PHEX: variants seen among roughly 807,000 people sequenced by gnomAD.
PHEX encodes the protein phosphate-regulating neutral endopeptidase PHEX.
A neutral mutation model predicts 68.0 loss-of-function variants in PHEX; 16 were observed. The observed-to-expected ratio is 0.24, with a 90% CI of 0.16 to 0.36. The LOEUF (loss-of-function observed/expected upper bound fraction) is 0.36, where lower values mean the gene tolerates loss of function less well. PHEX is among the 10% of genes least tolerant of loss of function. The pLI, the probability that PHEX is intolerant of heterozygous loss-of-function variation, is 1.00. For synonymous variants in PHEX, 208 were observed against 205.1 expected (o/e 1.01, Z -0.12); for missense variants, 480 against 575.5 (o/e 0.83, Z 1.70).
At chrX:22,066,678 C>T (rs1357016309) in intron 3 of PHEX, among the ~76,000 whole-genome samples, 2 of 111,918 alleles carry the variant, frequency 1.8e-5, no homozygotes, top group African/African-American at 6.5e-5. Context: ...CTGTCGGAAA[C>T]CCAGTTCTGG....
chrX:22,236,334 A>T (rs1178312048), intron 20 of PHEX, among the ~76,000 whole-genome samples: 2 of 112,256 alleles, frequency 1.8e-5, no homozygotes. Flanking sequence ...ACTGCTCTCC[A>T]AATGTTCAAG....
chrX:22,099,192 T>A (rs1296984762), intron 9 of PHEX, 41 bp downstream of exon 9: 1 of 1,118,887 alleles, frequency 8.9e-7, no homozygotes, highest in Non-Finnish European at 1.2e-6. Flanking sequence ...CTTTTGTGTT[T>A]TCTTTAAATT....
chrX:22,232,383 C>T (rs983369446), intron 20 of PHEX, among the ~76,000 whole-genome samples: 33 of 109,785 alleles, frequency 3.0e-4, no homozygotes, highest in Non-Finnish European at 3.6e-4. Context: ...AAGTCTCCCA[C>T]GATTATTGTG....
intron 20 of PHEX, among the ~76,000 whole-genome samples, chrX:22,244,475 A>G (rs760686586): frequency 2.7e-5 from 3 of 110,589 alleles, no homozygotes; most frequent in Non-Finnish European, 5.7e-5. Context: ...GGCGGTGTGC[A>G]CCTGTAATCC....
chrX:22,201,534 TG>T (rs1934556787), intron 15 of PHEX, among the ~76,000 whole-genome samples: 1 of 110,314 alleles, frequency 9.1e-6, no homozygotes, highest in African/African-American at 3.3e-5. Flanking sequence ...TTGAGGAATT[TG>T]GAGGTCCTGA....
chrX:22,075,512 C>T (rs951142263), intron 3 of PHEX, among the ~76,000 whole-genome samples: 3 of 110,782 alleles, frequency 2.7e-5, no homozygotes, highest in African/African-American at 9.8e-5. Flanking sequence ...GAAGGCAGTG[C>T]CCTGGTGCTG....
In PHEX at chrX:22,176,247, C is replaced by T. The variant is rs193286436; in HGVS notation, c.1483-2026C>T. Among the ~76,000 whole-genome samples, 380 of 108,521 alleles carry T rather than the reference C, an allele frequency of 3.5e-3. 1 individual carries two copies. The highest frequency in any genetic ancestry group is 0.013 in the African/African-American group (376 of 30,066). 94.2% of individuals were successfully genotyped at this position (108,521 alleles called of 115,157 possible). On this transcript the variant is annotated intron_variant, in intron 13 of 21. Transcript: ENST00000379374. ...ACTAAAAATATAAAAATTAGCTGGG[C>T]ATGGTGGTGCATGTCTGTAATCCCA...
chrX:22,190,567 A>G (rs1303634600), intron 15 of PHEX, 65 bp downstream of exon 15: 1 of 712,653 alleles, frequency 1.4e-6, no homozygotes, highest in East Asian at 3.2e-5. Flanking sequence ...TTCCATGACT[A>G]TGATGGAGGG....
At chrX:22,185,719 G>A (rs755071947) in intron 14 of PHEX, among the ~76,000 whole-genome samples, 1 of 107,210 alleles carries the variant, frequency 9.3e-6, no homozygotes, top group Non-Finnish European at 1.9e-5. Flanking sequence ...CATGGTTCTG[G>A]GGGTCACTAG....
chrX:22,055,538 G>A (rs1928060033), intron 3 of PHEX, among the ~76,000 whole-genome samples: 1 of 109,414 alleles, frequency 9.1e-6, no homozygotes, highest in Admixed American at 9.8e-5. Flanking sequence ...TTGTGTTTTG[G>A]TAGTTCTGAC....
rs191406108 is a variant in PHEX at position 22,161,084 on chromosome X, T to C, written c.1405-7228T>C. On this transcript the variant is annotated intron_variant, in intron 12 of 21. Transcript: ENST00000379374. Reference sequence around the variant, plus strand: ...CCGAGAGGTGGAGGTTGCAGTGGGCTGAGATTGTGCCACTACACTCCAACC... The same window carrying C: ...CCGAGAGGTGGAGGTTGCAGTGGGCCGAGATTGTGCCACTACACTCCAACC... Among the ~76,000 whole-genome samples the C allele has an allele frequency of 3.6e-4, 40 of 110,505 alleles. 1 individual carries two copies. Among genetic ancestry groups the C allele is most frequent in the Admixed American group, 3.5e-3 (36 of 10,426 alleles).
chrX:22,193,005 AC>A (rs1324791239), intron 15 of PHEX, among the ~76,000 whole-genome samples: 3 of 111,060 alleles, frequency 2.7e-5, no homozygotes, highest in Non-Finnish European at 5.6e-5. Flanking sequence ...AATTTACATA[AC>A]CAAGTAAGTT....
chrX:22,190,131 C>A (rs1934150970), intron 14 of PHEX, among the ~76,000 whole-genome samples: 1 of 112,151 alleles, frequency 8.9e-6, no homozygotes, highest in Non-Finnish European at 1.9e-5. Flanking sequence ...CAGGGACAGC[C>A]CTTTAGATTC....
chrX:22,226,619 A>G (rs1238859422), intron 19 of PHEX, 111 bp downstream of exon 19: 1 of 607,675 alleles, frequency 1.6e-6, no homozygotes, highest in East Asian at 3.3e-5. Flanking sequence ...TTAGTTAGAT[A>G]TTATGGAATT....
Position 22,185,031 on chromosome X carries a change from T to C in PHEX, c.1587-5413T>C, listed in dbSNP as rs776855141. 5.3e-5 allele frequency among the ~76,000 whole-genome samples: 6 copies of C among 112,202 alleles called. No homozygotes were observed. In the South Asian group the frequency reaches 1.5e-3, roughly 28 times the overall value. ...ACTTTAGCCTGATGTATATCTATTT[T>C]ATATGGTCCAAAGAAATAGGTGTAC... On this transcript the variant is annotated intron_variant, in intron 14 of 21. Transcript: ENST00000379374.
Position 22,033,140 on chromosome X carries a change from A to G in PHEX, c.118+17A>G. 1.8e-6 allele frequency: 2 copies of G among 1,083,801 alleles called. No individual in the cohort carries two copies. The highest frequency in any genetic ancestry group is 2.6e-6 in the Non-Finnish European group (2 of 778,866). 89.3% of individuals were successfully genotyped at this position (1,083,801 alleles called of 1,213,427 possible). ...TCTTTCTAGGTAAGTGGAGTGCAGG[A>G]GGCCGGGGGAACTGGGTGTGTGTCG... On this transcript the variant is annotated intron_variant, in intron 1 of 21. Transcript: ENST00000379374.
At position 22,138,766 on chromosome X, in the gene PHEX, C is replaced by T. The variant is rs139811071; in HGVS notation, c.1404+5142C>T. Among the ~76,000 whole-genome samples, 554 of 112,414 alleles carry T rather than the reference C, an allele frequency of 4.9e-3. 2 individuals are homozygous for T. Among genetic ancestry groups the T allele is most frequent in the Non-Finnish European group, 6.4e-3 (343 of 53,275 alleles). On this transcript the variant is annotated intron_variant, in intron 12 of 21. Transcript: ENST00000379374. ...CCCTTTCCAGTTACAGATTCTAGCA[C>T]ATTTGCATAACCGCTCAAGAATGCA...
At chrX:22,192,163 G>T (rs1035213798) in intron 15 of PHEX, among the ~76,000 whole-genome samples, 1 of 70,796 alleles carries the variant, frequency 1.4e-5, no homozygotes, top group Non-Finnish European at 2.6e-5. Context: ...ATGCCCCAAG[G>T]CTCAGTCTGC....
At chrX:22,238,484 C>T (rs1441198034) in intron 20 of PHEX, among the ~76,000 whole-genome samples, 2 of 111,701 alleles carry the variant, frequency 1.8e-5, no homozygotes, top group East Asian at 2.8e-4. Flanking sequence ...GTGCATCCCA[C>T]CCCCATGGAG....
Sources: gnomAD v4.1 joint callset for allele counts (sites outside exome capture counted in the v4.1 genomes callset) on GRCh38, gnomAD v4.1.1 for gene constraint, MANE v1.5 for transcripts, NCBI Gene and HGNC (gene_info 2026-07-23, HGNC 2026-07-21) for gene names.